RIPK2: variants seen among roughly 807,000 people sequenced by gnomAD.
RIPK2 encodes receptor-interacting serine/threonine-protein kinase 2.
In RIPK2, 38 loss-of-function variants were observed where a neutral mutation model predicts 60.9. The ratio of observed to expected loss-of-function variants is 0.62; its 90% CI spans 0.48 to 0.82. The LOEUF (loss-of-function observed/expected upper bound fraction) is 0.82. RIPK2 is among the 40% of genes least tolerant of loss of function. RIPK2 has a pLI of 0.00. For synonymous variants in RIPK2, 225 were observed against 223.4 expected (o/e 1.01, Z -0.06); for missense variants, 518 against 647.0 (o/e 0.80, Z 2.16).
At position 89,777,009 on chromosome 8, in the gene RIPK2, A is replaced by G. The variant is rs552380083; in HGVS notation, c.854-3066A>G. On this transcript the variant is annotated intron_variant, in intron 6 of 10. Coordinates refer to ENST00000220751, the MANE Select transcript of RIPK2 (RefSeq NM_003821.6). ...GAGTTTCTAGATGCAGCATGGGGAG[A>G]GGAAACAGGTGGAACCCAGTGGACA... Among the ~76,000 whole-genome samples, 10 of 152,244 alleles carry G rather than the reference A, an allele frequency of 6.6e-5. No individual in the cohort carries two copies. The South Asian group carries it at 1.7e-3, about 25-fold the overall frequency.
intron 7 of RIPK2, 169 bp downstream of exon 7, chr8:89,780,329 T>C (rs997800176): frequency 1.1e-5 from 4 of 375,944 alleles, no homozygotes; most frequent in Non-Finnish European, 1.9e-5. Flanking sequence ...TTTTCCTTTG[T>C]CACCAAAAGC....
At chr8:89,779,969 A>C in intron 6 of RIPK2, 106 bp from the exon 7 acceptor site, 2 of 620,924 alleles carry the variant, frequency 3.2e-6, no homozygotes, top group South Asian at 3.8e-5. Flanking sequence ...GAATGTCATC[A>C]CTTTGGGGAA....
rs1302724706 is a variant in RIPK2 at position 89,790,373 on chromosome 8, C to T, written c.1580C>T (p.Ser527Phe). ...CCTTACCCGGAAATACTTGTGGTTT[C>T]TAGATCACCATCTTTAAATTTACTT... The part of the protein sequence containing the change: ...LQPYPEILVV[S>F]RSPSLNLLQN... Residue 527 changes from serine (S) to phenylalanine (F), a missense_variant, in exon 11 of 11, where the codon TCT becomes TTT. Ser to Phe is a radical substitution (Grantham distance 155). Around this residue, in one of 3 missense-constraint regions of RIPK2, gnomAD observed 41 missense variants for 43.7 expected, o/e 0.94. Coordinates refer to ENST00000220751, the MANE Select transcript of RIPK2 (RefSeq NM_003821.6). 1.9e-6 allele frequency: 3 copies of T among 1,607,986 alleles called. No individual in the cohort carries two copies. The highest frequency in any genetic ancestry group is 3.4e-5 in the Admixed American group (2 of 58,392).
rs748353426 is a variant in RIPK2 at position 89,789,632 on chromosome 8, TG to T, written c.1285+153del. On this transcript the variant is annotated intron_variant, in intron 10 of 10. Transcript: ENST00000220751. ...AAGTAGGAAAACAAATCCCAGGAGA[TG>T]GGAATGATGACATGGCCCAAATGGT... The T allele has an allele frequency of 3.7e-4, 264 of 710,772 alleles. 1 individual carries two copies. Among genetic ancestry groups the T allele is most frequent in the Non-Finnish European group, 5.5e-4 (247 of 446,794 alleles). 44.0% of individuals were successfully genotyped at this position (710,772 alleles called of 1,614,324 possible).
At chr8:89,773,483 AT>A (rs1809347363) in intron 6 of RIPK2, among the ~76,000 whole-genome samples, 1 of 152,176 alleles carries the variant, frequency 6.6e-6, no homozygotes, top group African/African-American at 2.4e-5. Flanking sequence ...GAATTAGATG[AT>A]ATTGGAGAGT....
At chr8:89,763,701 A>G (rs919615587) in intron 2 of RIPK2, among the ~76,000 whole-genome samples, 2 of 152,172 alleles carry the variant, frequency 1.3e-5, no homozygotes, top group Non-Finnish European at 2.9e-5. Flanking sequence ...GTGTAACACA[A>G]TGCCCTGTAA....
At position 89,762,836 on chromosome 8, in the gene RIPK2, A is replaced by C; in HGVS notation, c.181A>C (p.Lys61Gln). ...IHTPLLDSER[K>Q]DVLREAEILH... ...TGCATTTTTTTTTCTTAGTGAAAGA[A>C]AGGATGTCTTAAGAGAAGCTGAAAT... Residue 61 changes from lysine (K) to glutamine (Q), a missense_variant, in exon 2 of 11, where the codon AAG becomes CAG. Physicochemically the swap from Lys to Gln is moderately conservative, Grantham distance 53 (BLOSUM62 1). This residue lies in a region of RIPK2 where 448 missense variants were observed against 534.7 expected (regional missense o/e 0.84). Transcript: ENST00000220751. The C allele has an allele frequency of 7.1e-7, 1 of 1,403,420 alleles. No individual in the cohort carries two copies. Among genetic ancestry groups the C allele is most frequent in the Non-Finnish European group, 9.5e-7 (1 of 1,050,156 alleles). 86.9% of individuals were successfully genotyped at this position (1,403,420 alleles called of 1,614,324 possible). A position where few individuals can be genotyped will look rare whatever the true frequency, so the allele number is the denominator to read the frequency against.
intron 1 of RIPK2, chr8:89,759,385 TCTC>T (rs1488625416): frequency 2.2e-6 from 1 of 456,236 alleles, no homozygotes; most frequent in Non-Finnish European, 4.4e-6. Flanking sequence ...AACATTCTCT[TCTC>T]CTCCTCCTAT....
chr8:89,769,562 C>T (rs991004967), intron 3 of RIPK2, among the ~76,000 whole-genome samples: 2 of 151,822 alleles, frequency 1.3e-5, no homozygotes, highest in Admixed American at 6.6e-5. Flanking sequence ...TAAACTTTAA[C>T]TCAGTATGTA....
chr8:89,772,108 A>G (rs2130560248), intron 5 of RIPK2, among the ~76,000 whole-genome samples: 1 of 152,144 alleles, frequency 6.6e-6, no homozygotes, highest in East Asian at 1.9e-4. Flanking sequence ...TCGCCTGCAT[A>G]ATAAGAATTT....
intron 1 of RIPK2, among the ~76,000 whole-genome samples, chr8:89,758,710 C>G (rs1586114020): frequency 6.6e-6 from 1 of 152,156 alleles, no homozygotes; most frequent in Middle Eastern, 3.4e-3. Flanking sequence ...TTGAAATGTG[C>G]CCGTCCGAAT....
At chr8:89,766,219 C>T (rs1193922285) in intron 3 of RIPK2, among the ~76,000 whole-genome samples, 1 of 151,736 alleles carries the variant, frequency 6.6e-6, no homozygotes, top group African/African-American at 2.4e-5. Flanking sequence ...TATAAATGTA[C>T]CAAAGTTAAC....
At chr8:89,789,994 G>A (rs1809649803) in intron 10 of RIPK2, 85 bp from the exon 11 acceptor site, 3 of 960,540 alleles carry the variant, frequency 3.1e-6, no homozygotes, top group African/African-American at 3.3e-5. Context: ...TATGTTTTAT[G>A]CTTTATTTAT....
At chr8:89,778,955 C>T (rs1288625075) in intron 6 of RIPK2, among the ~76,000 whole-genome samples, 1 of 152,202 alleles carries the variant, frequency 6.6e-6, no homozygotes, top group African/African-American at 2.4e-5. Context: ...TTCTCCACGT[C>T]ACTGTCAACA....
chr8:89,775,291 A>T (rs1006295579), intron 6 of RIPK2, among the ~76,000 whole-genome samples: 19 of 152,032 alleles, frequency 1.2e-4, no homozygotes, highest in Non-Finnish European at 2.1e-4. Context: ...AAAAATAAAA[A>T]AAAAATAAAA....
intron 1 of RIPK2, among the ~76,000 whole-genome samples, chr8:89,761,710 GT>G (rs1329125049): frequency 1.1e-5 from 1 of 90,586 alleles, no homozygotes. Context: ...GATCTGGTCT[GT>G]TAAAAAAAAA....
At chr8:89,776,157 G>A (rs180968148) in intron 6 of RIPK2, among the ~76,000 whole-genome samples, 5 of 152,238 alleles carry the variant, frequency 3.3e-5, no homozygotes, top group Admixed American at 2.6e-4. Flanking sequence ...TACCAAATAA[G>A]CATGCTTAGT....
At position 89,760,158 on chromosome 8, in the gene RIPK2, C is replaced by T. The variant is rs564083187; in HGVS notation, c.173+1925C>T. ...TGTCTCTTTCCTCACTTATAAAATA[C>T]GAATAATAAATACATGTGTTTCTCG... On this transcript the variant is annotated intron_variant, in intron 1 of 10. Coordinates refer to ENST00000220751, the MANE Select transcript of RIPK2 (RefSeq NM_003821.6). 7.9e-5 allele frequency among the ~76,000 whole-genome samples: 12 copies of T among 152,114 alleles called. No individual in the cohort carries two copies. The South Asian group carries it at 2.5e-3, about 32-fold the overall frequency.
chr8:89,787,770 T>C (rs910073061), intron 9 of RIPK2, among the ~76,000 whole-genome samples: 19 of 152,136 alleles, frequency 1.2e-4, no homozygotes, highest in Non-Finnish European at 2.9e-5. Flanking sequence ...TTTGGGGAGA[T>C]TCATTCTGGC....
Sources: allele counts gnomAD v4.1 joint callset (sites outside exome capture counted in the v4.1 genomes callset), GRCh38; gene constraint gnomAD v4.1.1; regional missense constraint gnomAD v4.1.1; transcripts MANE v1.5; gene names NCBI Gene and HGNC (gene_info 2026-07-23, HGNC 2026-07-21).